The following TSPAN4 variants were observed in gnomAD, a reference collection of about 807,000 sequenced individuals.
TSPAN4 encodes the protein tetraspanin-4.
Under a neutral mutation model 31.5 loss-of-function variants are expected in TSPAN4, and 38 were observed. The observed-to-expected ratio is 1.21, with a 90% confidence interval of 0.93 to 1.58. The LOEUF (loss-of-function observed/expected upper bound fraction) is 1.58, where lower values mean the gene tolerates loss of function less well. Ranked by LOEUF, TSPAN4 falls within the 40% of genes most tolerant of loss-of-function variation. The probability of loss-of-function intolerance (pLI) is 0.00; values close to 1 mark genes in which losing one functional copy is unlikely to be tolerated. For missense variants in TSPAN4, 330 were observed against 317.3 expected, an observed-to-expected ratio of 1.04 and a Z score of -0.30; for synonymous variants, 186 against 144.6, an observed-to-expected ratio of 1.29 and a Z score of -2.06.
At chr11:865,063 C>G (rs987780553) in intron 5 of TSPAN4, 1 of 186,044 alleles carries the variant, frequency 5.4e-6, no homozygotes, top group African/African-American at 2.4e-5. Context: ...TCCTGACTTC[C>G]TGGCACTGCA....
intron 3 of TSPAN4, among the ~76,000 whole-genome samples, chr11:853,599 G>A (rs1161949906): frequency 6.6e-6 from 1 of 152,130 alleles, no homozygotes; most frequent in Non-Finnish European, 1.5e-5. Context: ...GGTGGAGTGG[G>A]GAGGGTTCCT....
At position 865,845 on chromosome 11, in the gene TSPAN4, T is replaced by TG. The variant is rs1455692307; in HGVS notation, c.564+25dup. On this transcript the variant is annotated intron_variant, in intron 7 of 8. Transcript: ENST00000397397. ...AAGGCGGTGAGTGAGACCCCCACCC[T>TG]GGGGGCTGGTAGGGGCCTAGAGGGC... 1 of 1,612,204 alleles carries TG rather than the reference T, an allele frequency of 6.2e-7. No homozygotes were observed. The highest frequency in any genetic ancestry group is 1.1e-5 in the South Asian group (1 of 90,966).
intron 3 of TSPAN4, among the ~76,000 whole-genome samples, chr11:854,282 G>A (rs534691056): frequency 1.3e-5 from 2 of 152,294 alleles, no homozygotes; most frequent in African/African-American, 4.8e-5. Flanking sequence ...TGGAAGCTCC[G>A]GCCGTCTCCG....
rs986428798 is a variant in TSPAN4, at chr11:848,300, C to A, written c.-18+1000C>A. Among the ~76,000 whole-genome samples the A allele has an allele frequency of 6.6e-5, 10 of 152,346 alleles. No individual in the cohort carries two copies. Among genetic ancestry groups the A allele is most frequent in the Admixed American group, 5.2e-4 (8 of 15,312 alleles). On this transcript the variant is annotated intron_variant, in intron 2 of 8. Transcript: ENST00000397397. This position sits in a 1 kb window ranked among gnomAD's most constrained non-coding sequence, Gnocchi z 5.7. Reference sequence around the variant, plus strand: ...GGGCCCAGACCCACCAAAGAACCCCCAGGGGAAGGACAGGGTAGGGGCCAT... The same window carrying A: ...GGGCCCAGACCCACCAAAGAACCCCAAGGGGAAGGACAGGGTAGGGGCCAT...
intron 3 of TSPAN4, among the ~76,000 whole-genome samples, chr11:862,033 T>C (rs1848486264): frequency 6.6e-6 from 1 of 152,168 alleles, no homozygotes; most frequent in Admixed American, 6.5e-5. Flanking sequence ...AGAGATCTTG[T>C]CGGGAGCTGG....
At chr11:856,178 C>T (rs1253208444) in intron 3 of TSPAN4, among the ~76,000 whole-genome samples, 2 of 152,198 alleles carry the variant, frequency 1.3e-5, no homozygotes, top group Non-Finnish European at 2.9e-5. Context: ...GGGGACGGCC[C>T]CCCGAGCCTC....
At chr11:863,682 G>C (rs1221716786) in intron 4 of TSPAN4, 1 of 152,472 alleles carries the variant, frequency 6.6e-6, no homozygotes, top group Non-Finnish European at 1.5e-5. Flanking sequence ...AGAACCCTGG[G>C]TACCTCCTGG....
chr11:860,467 G>A (rs992759437), intron 3 of TSPAN4, among the ~76,000 whole-genome samples: 1 of 152,210 alleles, frequency 6.6e-6, no homozygotes, highest in Non-Finnish European at 1.5e-5. Context: ...GCAGGTGAGC[G>A]TGCACACGAG....
intron 1 of TSPAN4, among the ~76,000 whole-genome samples, chr11:846,855 T>G (rs542949292): frequency 1.1e-3 from 174 of 152,290 alleles, no homozygotes; most frequent in South Asian, 2.5e-3. Flanking sequence ...TGTCTTGGCC[T>G]GTGTCTCTGC....
chr11:865,263 C>G, intron 5 of TSPAN4: 1 of 544,200 alleles, frequency 1.8e-6, no homozygotes, highest in Non-Finnish European at 3.3e-6. Context: ...ACCTGTGTCC[C>G]TGTCCTCTGT....
chr11:862,862 C>T (rs1464009469), intron 4 of TSPAN4, 121 bp downstream of exon 4: 2 of 1,114,466 alleles, frequency 1.8e-6, no homozygotes, highest in Non-Finnish European at 2.5e-6. Flanking sequence ...TGGGGCCGGA[C>T]CTCCAGGCTG....
chr11:853,382 C>G (rs1053872955), intron 3 of TSPAN4, among the ~76,000 whole-genome samples: 10 of 152,210 alleles, frequency 6.6e-5, no homozygotes, highest in Non-Finnish European at 1.5e-4. Flanking sequence ...CCCCTCCACA[C>G]CCATGGTCAG....
chr11:852,904 C>CCA (rs994075071), intron 3 of TSPAN4, among the ~76,000 whole-genome samples: 1 of 152,190 alleles, frequency 6.6e-6, no homozygotes, highest in Non-Finnish European at 1.5e-5. Context: ...GTCCTGACCC[C>CCA]CCGCTGCCGG....
chr11:862,451 C>T (rs887092620), intron 3 of TSPAN4, 99 bp from the exon 4 acceptor site: 98 of 1,146,724 alleles, frequency 8.5e-5, no homozygotes, highest in South Asian at 5.5e-4. Flanking sequence ...GGCTGGCAGG[C>T]GGCATGGCTT....
At chr11:860,602 G>A (rs972478095) in intron 3 of TSPAN4, among the ~76,000 whole-genome samples, 1 of 152,210 alleles carries the variant, frequency 6.6e-6, no homozygotes, top group Non-Finnish European at 1.5e-5. Flanking sequence ...TGCAGGTGGG[G>A]GTGGGGCGGC....
Position 850,354 on chromosome 11 carries a change from A to G in TSPAN4, c.50A>G (p.Asn17Ser). The change falls in exon 3 of 9, where the codon AAC (asparagine) becomes AGC (serine). Residue 17 changes from asparagine to serine, a missense_variant. Coordinates refer to ENST00000397397, the MANE Select transcript of TSPAN4 (RefSeq NM_003271.5). ...GTCAAGTACCTCATGTTCGCCTTCA[A>G]CCTGCTCTTCTGGGTGAGTCCGGGG... is the stretch of plus-strand genomic sequence containing the variant. ...QAVKYLMFAF[N>S]LLFWLGGCGV... 1 of 1,603,686 alleles carries G rather than the reference A, an allele frequency of 6.2e-7. No homozygotes were observed. The highest frequency in any genetic ancestry group is 2.2e-5 in the East Asian group (1 of 44,694).
intron 4 of TSPAN4, 88 bp downstream of exon 4, chr11:862,829 C>T: frequency 7.3e-7 from 1 of 1,366,270 alleles, no homozygotes; most frequent in Non-Finnish European, 9.7e-7. Flanking sequence ...CCGCAGTGAC[C>T]CCCCAGACGT....
At chr11:862,903 G>A in intron 4 of TSPAN4, 162 bp downstream of exon 4, 2 of 720,962 alleles carry the variant, frequency 2.8e-6, no homozygotes, top group Non-Finnish European at 4.4e-6. Context: ...GGCCACTGTT[G>A]GGTCTTCCAG....
At chr11:853,886 G>A (rs1214612454) in intron 3 of TSPAN4, among the ~76,000 whole-genome samples, 1 of 152,198 alleles carries the variant, frequency 6.6e-6, no homozygotes, top group Admixed American at 6.5e-5. Flanking sequence ...GCCTCATTCC[G>A]GGGGAGGCTG....
Sources: gnomAD v4.1 joint callset for allele counts (sites outside exome capture counted in the v4.1 genomes callset) on GRCh38, gnomAD v4.1.1 for gene constraint, Gnocchi (gnomAD v3.1) non-coding constraint, MANE v1.5 for transcripts, NCBI Gene and HGNC (gene_info 2026-07-23, HGNC 2026-07-21) for gene names.